CSMD1: variants seen among roughly 807,000 people sequenced by gnomAD.
CSMD1 encodes CUB and Sushi multiple domains 1.
In CSMD1, 213 loss-of-function variants were observed where a neutral mutation model predicts 417.5. The ratio of observed to expected loss-of-function variants is 0.51; its 90% CI spans 0.46 to 0.57. CSMD1 has a LOEUF of 0.57. Among genes scored for constraint, CSMD1 ranks in the 20% least tolerant of loss-of-function variants. The pLI, the probability that CSMD1 is intolerant of heterozygous loss-of-function variation, is 0.00. For missense variants in CSMD1, 6,923 were observed against 4,529.7 expected, an observed-to-expected ratio of 1.53 and a Z score of -15.17; for synonymous variants, 2,862 against 1,736.8, an observed-to-expected ratio of 1.65 and a Z score of -16.11.
chr8:4,075,856 AG>A (rs1430735185), intron 3 of CSMD1, among the ~76,000 whole-genome samples: 2 of 152,140 alleles, frequency 1.3e-5, no homozygotes, highest in Non-Finnish European at 2.9e-5. Flanking sequence ...GTCCTCAGGG[AG>A]CCAGTTCATA....
chr8:4,518,866 C>CAATACT (rs1272306966), intron 2 of CSMD1, among the ~76,000 whole-genome samples: 1 of 151,912 alleles, frequency 6.6e-6, no homozygotes, highest in East Asian at 1.9e-4. Context: ...AATACAGAGC[C>CAATACT]AATACTCTTC....
chr8:3,624,542 G>A (rs539215217), intron 7 of CSMD1, among the ~76,000 whole-genome samples: 1 of 152,162 alleles, frequency 6.6e-6, no homozygotes, highest in Non-Finnish European at 1.5e-5. Flanking sequence ...ATGTATTTCA[G>A]TTGGATCAGT....
At chr8:4,680,445 T>C (rs1472869844) in intron 1 of CSMD1, among the ~76,000 whole-genome samples, 1 of 152,194 alleles carries the variant, frequency 6.6e-6, no homozygotes, top group Non-Finnish European at 1.5e-5. Flanking sequence ...TGACGTACCA[T>C]GTTCTCATCA....
At chr8:4,686,873 G>C (rs1024478582) in intron 1 of CSMD1, among the ~76,000 whole-genome samples, 2 of 152,220 alleles carry the variant, frequency 1.3e-5, no homozygotes. Context: ...ACCCTGAGCA[G>C]GCGATGGCCC....
chr8:3,181,649 G>C lies in CSMD1; in HGVS notation c.5621-435C>G, dbSNP rs116931037. Among the ~76,000 whole-genome samples the C allele has an allele frequency of 1.6e-4, 24 of 152,258 alleles. 1 individual carries two copies. The East Asian group carries it at 4.4e-3, about 28-fold the overall frequency. On this transcript the variant is annotated intron_variant, in intron 36 of 69. Coordinates refer to ENST00000635120, the MANE Select transcript of CSMD1 (RefSeq NM_033225.6). Reference sequence around the variant, plus strand: ...ATATCCTTCAGAAGACGTTGCTTTTGACCCTGTATATATGCTCTTCCTGAT... The same window carrying C: ...ATATCCTTCAGAAGACGTTGCTTTTCACCCTGTATATATGCTCTTCCTGAT...
intron 49 of CSMD1, 64 bp from the exon 50 acceptor site, chr8:3,052,711 CATTG>C (rs1811940606): frequency 8.7e-7 from 1 of 1,143,896 alleles, no homozygotes; most frequent in Non-Finnish European, 1.2e-6. Flanking sequence ...CTATTAAAAC[CATTG>C]ATTGATTAAT....
At chr8:3,703,623 G>C (rs1373031302) in intron 7 of CSMD1, among the ~76,000 whole-genome samples, 1 of 152,104 alleles carries the variant, frequency 6.6e-6, no homozygotes, top group Non-Finnish European at 1.5e-5. Flanking sequence ...AGGTAGGTCT[G>C]GTAGAAAAAT....
intron 1 of CSMD1, among the ~76,000 whole-genome samples, chr8:4,780,411 G>C (rs369575772): frequency 9.3e-4 from 138 of 148,408 alleles, no homozygotes; most frequent in African/African-American, 3.2e-3. Context: ...TGATTGATCA[G>C]TCGATCTGTC....
At chr8:3,647,613 T>C (rs1050699770) in intron 7 of CSMD1, among the ~76,000 whole-genome samples, 1 of 152,182 alleles carries the variant, frequency 6.6e-6, no homozygotes, top group Non-Finnish European at 1.5e-5. Context: ...TGGCAACATT[T>C]GAAATGTGGT....
intron 1 of CSMD1, among the ~76,000 whole-genome samples, chr8:4,641,637 C>T (rs1803196743): frequency 6.6e-6 from 1 of 152,168 alleles, no homozygotes; most frequent in Admixed American, 6.5e-5. Flanking sequence ...CTAGAGCCGT[C>T]CCACCAAACC....
intron 5 of CSMD1, among the ~76,000 whole-genome samples, chr8:3,969,834 G>A (rs181233782): frequency 6.6e-6 from 1 of 152,134 alleles, no homozygotes; most frequent in Admixed American, 6.6e-5. Flanking sequence ...TTTAAATGAA[G>A]TATCCATCTA....
intron 10 of CSMD1, among the ~76,000 whole-genome samples, chr8:3,497,438 G>T (rs1429064314): frequency 2.0e-5 from 3 of 151,912 alleles, no homozygotes; most frequent in Non-Finnish European, 4.4e-5. Flanking sequence ...ACACAGTCTT[G>T]CTCTGTCACC....
intron 2 of CSMD1, among the ~76,000 whole-genome samples, chr8:4,427,217 A>T (rs1416595958): frequency 1.3e-5 from 2 of 152,190 alleles, no homozygotes; most frequent in African/African-American, 4.8e-5. Context: ...TCCTGAGCCC[A>T]AGAGAGGCAC....
chr8:3,906,643 A>C (rs1808131520), intron 5 of CSMD1, among the ~76,000 whole-genome samples: 1 of 149,956 alleles, frequency 6.7e-6, no homozygotes, highest in African/African-American at 2.5e-5. Flanking sequence ...TTTTTTTCAG[A>C]TTTGCAAAGT....
intron 1 of CSMD1, among the ~76,000 whole-genome samples, chr8:4,798,243 A>C (rs1227548873): frequency 6.6e-6 from 1 of 152,078 alleles, no homozygotes; most frequent in Admixed American, 6.5e-5. Context: ...GTTCCCACCT[A>C]TGAGTGAGAA....
intron 50 of CSMD1, among the ~76,000 whole-genome samples, chr8:3,050,728 G>C (rs1003912592): frequency 2.0e-5 from 3 of 152,030 alleles, no homozygotes; most frequent in Non-Finnish European, 2.9e-5. Context: ...ATGAAATAAA[G>C]AAAAATAAAA....
intron 47 of CSMD1, among the ~76,000 whole-genome samples, chr8:3,096,383 T>G (rs1426755257): frequency 2.0e-5 from 3 of 152,154 alleles, no homozygotes; most frequent in African/African-American, 7.2e-5. Flanking sequence ...GTTCTCCTGA[T>G]AGTAAGTCCC....
chr8:4,546,554 T>C (rs1307607295), intron 2 of CSMD1, among the ~76,000 whole-genome samples: 1 of 152,178 alleles, frequency 6.6e-6, no homozygotes, highest in Non-Finnish European at 1.5e-5. Flanking sequence ...CCTACCCTAG[T>C]ACATCAGCAC....
chr8:4,325,930 G>A (rs931847084), intron 3 of CSMD1, among the ~76,000 whole-genome samples: 1 of 152,070 alleles, frequency 6.6e-6, no homozygotes, highest in African/African-American at 2.4e-5. Flanking sequence ...GCTGGCTGGG[G>A]CACCTTTTTC....
Sources: gnomAD v4.1 joint callset for allele counts (sites outside exome capture counted in the v4.1 genomes callset) on GRCh38, gnomAD v4.1.1 for gene constraint, MANE v1.5 for transcripts, NCBI Gene and HGNC (gene_info 2026-07-23, HGNC 2026-07-21) for gene names.